The following VPS13C variants were observed in gnomAD, a reference collection of about 807,000 sequenced individuals.
VPS13C encodes the protein intermembrane lipid transfer protein VPS13C.
In VPS13C, 358 loss-of-function variants were observed where a neutral mutation model predicts 456.8. That is an observed-to-expected ratio of 0.78 (90% confidence interval 0.72 to 0.86). The LOEUF (loss-of-function observed/expected upper bound fraction) is 0.86, where lower values mean the gene tolerates loss of function less well. VPS13C is among the 40% of genes least tolerant of loss of function. The probability of loss-of-function intolerance (pLI) is 0.00; values close to 1 mark genes in which losing one functional copy is unlikely to be tolerated. For missense variants in VPS13C, 4,818 were observed against 4,385.4 expected (o/e 1.10, Z -2.79); for synonymous variants, 1,578 against 1,486.7 (o/e 1.06, Z -1.41).
At position 61,872,041 on chromosome 15, in the gene VPS13C, G is replaced by A. The variant is rs1895071333; in HGVS notation, c.10579-7C>T. ...TCACTCCACCAACAACTCCCTGAAAGAGAAATCAATCATATAGTTTAGACT... is the reference window on the plus strand; with the variant it reads ...TCACTCCACCAACAACTCCCTGAAAAAGAAATCAATCATATAGTTTAGACT... On this transcript the variant is annotated splice_region_variant and splice_polypyrimidine_tract_variant and intron_variant, in intron 78 of 84. Transcript: ENST00000644861. 1 of 1,612,268 alleles carries A rather than the reference G, an allele frequency of 6.2e-7. No individual in the cohort carries two copies. The highest frequency in any genetic ancestry group is 2.2e-5 in the East Asian group (1 of 44,730).
chr15:62,001,243 G>C (rs988675319), intron 15 of VPS13C, among the ~76,000 whole-genome samples: 3 of 152,182 alleles, frequency 2.0e-5, no homozygotes, highest in Admixed American at 6.5e-5. Context: ...GAGAGTTTGA[G>C]AAACTTGTGT....
intron 47 of VPS13C, among the ~76,000 whole-genome samples, chr15:61,939,463 T>C (rs1398202500): frequency 6.6e-6 from 1 of 152,212 alleles, no homozygotes; most frequent in Non-Finnish European, 1.5e-5. Context: ...ATCCTTCCTA[T>C]TTCATGTTAG....
chr15:61,994,195 C>A (rs145641087), intron 16 of VPS13C, among the ~76,000 whole-genome samples: 1 of 152,148 alleles, frequency 6.6e-6, no homozygotes. Context: ...TTAGATAGAT[C>A]AAATTGCCTT....
Position 62,000,757 on chromosome 15 carries a change from T to G in VPS13C, c.1291-131A>C, listed in dbSNP as rs73414700. On this transcript the variant is annotated intron_variant, in intron 15 of 84. Coordinates refer to ENST00000644861, the MANE Select transcript of VPS13C (RefSeq NM_020821.3). Reference sequence around the variant, plus strand: ...ACCTAATGAAAGTATTAGTATAAATTTGAATGTATTCTAGACTTTTAAATT... The same window carrying G: ...ACCTAATGAAAGTATTAGTATAAATGTGAATGTATTCTAGACTTTTAAATT... 0.044 allele frequency: 28,114 copies of G among 642,932 alleles called. 1,538 individuals carry two copies. Among genetic ancestry groups the G allele is most frequent in the African/African-American group, 0.21 (10,857 of 51,800 alleles). 39.8% of individuals were successfully genotyped at this position (642,932 alleles called of 1,614,324 possible). A position where few individuals can be genotyped will look rare whatever the true frequency, so the allele number is the denominator to read the frequency against.
At chr15:62,034,843 A>C in intron 4 of VPS13C, 114 bp downstream of exon 4, 2 of 654,580 alleles carry the variant, frequency 3.1e-6, no homozygotes, top group Non-Finnish European at 5.0e-6. Context: ...TGTATGATTC[A>C]TTTATTTAAA....
rs2140731385 is a variant in VPS13C, at chr15:62,044,193, T to C, written c.144+19A>G. 2.0e-6 allele frequency: 3 copies of C among 1,465,714 alleles called. No individual in the cohort carries two copies. The highest frequency in any genetic ancestry group is 2.8e-6 in the Non-Finnish European group (3 of 1,064,394). The allele number at this position is 1,465,714 out of a possible 1,614,324, so 90.8% of individuals were successfully genotyped here. ...TACCAAATTAAGTGAGTTATTAGCA[T>C]AGTTTAAAAAAAACTTACCAGGGCA... On this transcript the variant is annotated intron_variant, in intron 2 of 84. Coordinates refer to ENST00000644861, the MANE Select transcript of VPS13C (RefSeq NM_020821.3).
At chr15:61,979,366 T>C (rs890105480) in intron 22 of VPS13C, among the ~76,000 whole-genome samples, 1 of 152,146 alleles carries the variant, frequency 6.6e-6, no homozygotes, top group African/African-American at 2.4e-5. Context: ...TTTGAGTCAC[T>C]AAGAAGATTA....
chr15:62,000,637 C>G lies in VPS13C; in HGVS notation c.1291-11G>C. On this transcript the variant is annotated splice_polypyrimidine_tract_variant and intron_variant, in intron 15 of 84. Coordinates refer to ENST00000644861, the MANE Select transcript of VPS13C (RefSeq NM_020821.3). ...AGTCTTCTCCAAGTCCTGTAAAAAA[C>G]AGAGGCACTTATAAACAAGAAATTT... 1 of 1,590,030 alleles carries G rather than the reference C, an allele frequency of 6.3e-7. No individual in the cohort carries two copies. The highest frequency in any genetic ancestry group is 1.4e-5 in the African/African-American group (1 of 73,428).
intron 42 of VPS13C, among the ~76,000 whole-genome samples, chr15:61,948,615 G>A (rs1430024493): frequency 2.0e-5 from 3 of 151,924 alleles, no homozygotes; most frequent in East Asian, 3.9e-4. Flanking sequence ...CCTGGGAAGC[G>A]GAGGTTGCAG....
chr15:61,912,682 T>G (rs1406963488), intron 62 of VPS13C, among the ~76,000 whole-genome samples: 1 of 151,872 alleles, frequency 6.6e-6, no homozygotes, highest in Non-Finnish European at 1.5e-5. Context: ...AGGGTACATG[T>G]GCACAATGTG....
intron 23 of VPS13C, among the ~76,000 whole-genome samples, chr15:61,977,670 A>C (rs1479764297): frequency 1.3e-5 from 2 of 152,058 alleles, no homozygotes; most frequent in Non-Finnish European, 2.9e-5. Context: ...AAATTTCATG[A>C]CCAAAAATGT....
intron 13 of VPS13C, 113 bp downstream of exon 13, chr15:62,010,359 C>T: frequency 4.2e-6 from 5 of 1,188,238 alleles, no homozygotes; most frequent in Non-Finnish European, 5.5e-6. Flanking sequence ...ACAGTCAAAT[C>T]TCAACATAAC....
intron 61 of VPS13C, among the ~76,000 whole-genome samples, chr15:61,915,116 G>A (rs2043427895): frequency 6.6e-6 from 1 of 151,970 alleles, no homozygotes; most frequent in Admixed American, 6.6e-5. Flanking sequence ...GTAGGCAAAG[G>A]GTGCAGCATA....
Position 61,922,626 on chromosome 15 carries a change from G to C in VPS13C, c.6746C>G (p.Thr2249Ser). 1 of 1,613,974 alleles carries C rather than the reference G, an allele frequency of 6.2e-7. No individual in the cohort carries two copies. The highest frequency in any genetic ancestry group is 8.5e-7 in the Non-Finnish European group (1 of 1,179,966). ...WGIKSINDYN[T>S]WFLGVDTATE... ...TGCCGTGTCAACACCAAGAAACCAAGTGTTATAATCATTAATCGATTTGAT... is the reference window on the plus strand; with the variant it reads ...TGCCGTGTCAACACCAAGAAACCAACTGTTATAATCATTAATCGATTTGAT... The change falls in exon 54 of 85, where the codon ACT becomes AGT. Residue 2249 changes from threonine to serine, a missense_variant. Around this residue, in one of 3 missense-constraint regions of VPS13C, gnomAD observed 4,552 missense variants for 4,130.6 expected, o/e 1.10. Transcript: ENST00000644861.
intron 50 of VPS13C, among the ~76,000 whole-genome samples, chr15:61,930,566 T>C (rs1596345709): frequency 6.6e-6 from 1 of 152,208 alleles, no homozygotes; most frequent in Non-Finnish European, 1.5e-5. Context: ...AAAACATAAT[T>C]AGGCTATTGA....
intron 43 of VPS13C, 134 bp from the exon 44 acceptor site, chr15:61,946,544 C>A: frequency 2.1e-6 from 1 of 470,106 alleles, no homozygotes; most frequent in Non-Finnish European, 3.6e-6. Context: ...TTAATGGCAT[C>A]AACTTTCATG....
chr15:62,028,458 C>G (rs764788089), intron 5 of VPS13C, 38 bp from the exon 6 acceptor site: 2 of 1,596,868 alleles, frequency 1.3e-6, no homozygotes, highest in Non-Finnish European at 1.7e-6. Context: ...AAATGCAAAG[C>G]AATTTAAAGA....
At position 61,984,003 on chromosome 15, in the gene VPS13C, C is replaced by A. The variant is rs148232124; in HGVS notation, c.1731G>T (p.Ala577=). The A allele has an allele frequency of 1.5e-5, 24 of 1,612,572 alleles. No homozygotes were observed. Among genetic ancestry groups the A allele is most frequent in the Non-Finnish European group, 2.0e-5 (23 of 1,179,422 alleles). The part of the protein sequence containing the change: ...RPGAQALKVE[A]KLEHWYITGL... The stretch of plus-strand genomic sequence containing the variant: ...CTGTTATATACCAGTGTTCTAATTT[C>A]GCTTCTACCCTATAATCCAATGAAG... Residue 577 remains alanine, a synonymous_variant, in exon 20 of 85, where the codon GCG becomes GCT. Transcript: ENST00000644861.
intron 15 of VPS13C, among the ~76,000 whole-genome samples, chr15:62,006,107 T>TC (rs1175779278): frequency 7.9e-6 from 1 of 126,526 alleles, no homozygotes; most frequent in Non-Finnish European, 1.8e-5. Flanking sequence ...CTTATTTTTT[T>TC]TTTATTATTA....
Sources: allele counts gnomAD v4.1 joint callset (sites outside exome capture counted in the v4.1 genomes callset), GRCh38; gene constraint gnomAD v4.1.1; regional missense constraint gnomAD v4.1.1; transcripts MANE v1.5; gene names NCBI Gene and HGNC (gene_info 2026-07-23, HGNC 2026-07-21).